The following PHF21B variants were observed in gnomAD, a reference collection of about 807,000 sequenced individuals.
PHF21B encodes the protein PHD finger protein 21B, also known as PHD finger protein 4.
In PHF21B, 22 loss-of-function variants were observed where a neutral mutation model predicts 62.2. That is an observed-to-expected ratio of 0.35 (90% confidence interval 0.25 to 0.51). PHF21B has a LOEUF of 0.51. Among genes scored for constraint, PHF21B ranks in the 20% least tolerant of loss-of-function variants. The pLI, the probability that PHF21B is intolerant of heterozygous loss-of-function variation, is 0.97. For synonymous variants in PHF21B, 341 were observed against 314.7 expected (o/e 1.08, Z -0.88); for missense variants, 701 against 707.9 (o/e 0.99, Z 0.11).
intron 12 of PHF21B, among the ~76,000 whole-genome samples, chr22:44,883,597 C>T (rs1342240960): frequency 6.6e-6 from 1 of 152,170 alleles, no homozygotes; most frequent in Non-Finnish European, 1.5e-5. Flanking sequence ...CACACTCTTC[C>T]TCCTCCTCCT....
At chr22:44,970,012 T>C (rs2072607077) in intron 2 of PHF21B, among the ~76,000 whole-genome samples, 1 of 152,178 alleles carries the variant, frequency 6.6e-6, no homozygotes, top group Admixed American at 6.5e-5. Context: ...TTCATGAAAC[T>C]ACAGGTGGTC....
chr22:44,931,526 C>A (rs1053231364), intron 2 of PHF21B, among the ~76,000 whole-genome samples: 3 of 151,722 alleles, frequency 2.0e-5, no homozygotes, highest in African/African-American at 7.3e-5. Flanking sequence ...GTTCAGCGGC[C>A]CTCGGCGTTG....
In PHF21B at chr22:44,883,022, C is replaced by A. The variant is rs2070765266; in HGVS notation, c.*64G>T. On this transcript the variant is annotated 3_prime_UTR_variant, in exon 13 of 13. Transcript: ENST00000313237. ...TGTTTATGAATTAAGGCCGACAGAA[C>A]CCCCAGGCTGTGTAAGCAGGGTCCC... The A allele has an allele frequency of 1.1e-5, 17 of 1,497,498 alleles. No homozygotes were observed. The highest frequency in any genetic ancestry group is 1.5e-5 in the Non-Finnish European group (17 of 1,112,084). 92.8% of individuals were successfully genotyped at this position (1,497,498 alleles called of 1,614,324 possible). A position where few individuals can be genotyped will look rare whatever the true frequency, so the allele number is the denominator to read the frequency against.
intron 2 of PHF21B, among the ~76,000 whole-genome samples, chr22:44,936,872 T>TTTA (rs1555944873): frequency 6.8e-6 from 1 of 146,572 alleles, no homozygotes; most frequent in Admixed American, 6.7e-5. Context: ...CTTTCTTTCT[T>TTTA]TTTTTTTTTT....
chr22:44,935,874 C>A (rs2071835931), intron 2 of PHF21B, among the ~76,000 whole-genome samples: 1 of 152,110 alleles, frequency 6.6e-6, no homozygotes, highest in Non-Finnish European at 1.5e-5. Flanking sequence ...CCTGTCTCTG[C>A]CCGCCTCGGG....
chr22:44,975,430 TGGAGAGCAG>T (rs1014313243), intron 2 of PHF21B, among the ~76,000 whole-genome samples: 26 of 152,228 alleles, frequency 1.7e-4, no homozygotes, highest in African/African-American at 6.0e-4. Flanking sequence ...AGAAAGTGTA[TGGAGAGCAG>T]GCGTCCCTCT....
At chr22:45,007,671 C>A (rs1162206278) in intron 2 of PHF21B, among the ~76,000 whole-genome samples, 1 of 135,214 alleles carries the variant, frequency 7.4e-6, no homozygotes, top group East Asian at 2.3e-4. Context: ...AAGTTCTCGG[C>A]TCGGGGCTGC....
chr22:44,891,481 G>T, intron 7 of PHF21B, 121 bp from the exon 8 acceptor site: 2 of 1,173,994 alleles, frequency 1.7e-6, no homozygotes, highest in Non-Finnish European at 2.5e-6. Flanking sequence ...CCAGGCTCTG[G>T]CTGGACACCC....
chr22:44,899,285 C>CTTTTTTT (rs71188499), intron 5 of PHF21B, among the ~76,000 whole-genome samples: 35 of 97,556 alleles, frequency 3.6e-4, no homozygotes, highest in African/African-American at 7.2e-4. Context: ...TGTTCTTATT[C>CTTTTTTT]TTTTTTTTTT....
At chr22:44,959,597 G>A (rs780688497) in intron 2 of PHF21B, among the ~76,000 whole-genome samples, 1 of 152,174 alleles carries the variant, frequency 6.6e-6, no homozygotes, top group African/African-American at 2.4e-5. Flanking sequence ...GCCAGTGATG[G>A]GGAAGACTGG....
chr22:44,922,458 C>A (rs1040914326), intron 2 of PHF21B, among the ~76,000 whole-genome samples: 1 of 152,136 alleles, frequency 6.6e-6, no homozygotes, highest in Non-Finnish European at 1.5e-5. Context: ...CATGGAGAAA[C>A]CCCATCTCTA....
At chr22:44,975,050 G>T (rs2072711324) in intron 2 of PHF21B, among the ~76,000 whole-genome samples, 1 of 152,162 alleles carries the variant, frequency 6.6e-6, no homozygotes, top group Non-Finnish European at 1.5e-5. Context: ...GCCACAGCCT[G>T]TCCTGGACGC....
At chr22:44,983,973 G>A (rs1046924531) in intron 2 of PHF21B, among the ~76,000 whole-genome samples, 9 of 151,550 alleles carry the variant, frequency 5.9e-5, no homozygotes, top group African/African-American at 1.7e-4. Flanking sequence ...CCGACATGCC[G>A]ATGTCCTCAA....
intron 2 of PHF21B, among the ~76,000 whole-genome samples, chr22:44,979,887 G>A (rs1569270139): frequency 1.3e-5 from 2 of 151,758 alleles, no homozygotes; most frequent in Non-Finnish European, 2.9e-5. Context: ...TGGCCGACAT[G>A]GTGAAACCCG....
At chr22:44,940,576 C>T (rs2071936421) in intron 2 of PHF21B, among the ~76,000 whole-genome samples, 2 of 152,174 alleles carry the variant, frequency 1.3e-5, no homozygotes, top group Admixed American at 6.5e-5. Context: ...TAAATGGCCC[C>T]CAGAGAAACA....
intron 2 of PHF21B, among the ~76,000 whole-genome samples, chr22:44,995,642 T>C (rs116769388): frequency 0.011 from 1,680 of 152,204 alleles, 27 homozygotes; most frequent in African/African-American, 0.038. Context: ...CACAGACTCT[T>C]TGCATCTTAG....
intron 2 of PHF21B, among the ~76,000 whole-genome samples, chr22:44,984,641 G>A (rs753414380): frequency 2.8e-4 from 42 of 152,314 alleles, no homozygotes; most frequent in Middle Eastern, 3.4e-3. Context: ...ATGAAAGTGC[G>A]TGACATACAT....
intron 5 of PHF21B, among the ~76,000 whole-genome samples, chr22:44,901,305 G>T (rs1288008307): frequency 2.0e-5 from 3 of 152,224 alleles, no homozygotes. Flanking sequence ...AGAACACTGG[G>T]AATGTGGTGC....
At chr22:44,973,251 C>T (rs529307870) in intron 2 of PHF21B, among the ~76,000 whole-genome samples, 32 of 152,228 alleles carry the variant, frequency 2.1e-4, no homozygotes, top group African/African-American at 6.5e-4. Context: ...ACCCTGGGTC[C>T]GCCAAAGAAG....
Sources: allele counts gnomAD v4.1 joint callset (sites outside exome capture counted in the v4.1 genomes callset), GRCh38; gene constraint gnomAD v4.1.1; transcripts MANE v1.5; gene names NCBI Gene and HGNC (gene_info 2026-07-23, HGNC 2026-07-21).